PHF3: variants seen among roughly 807,000 people sequenced by gnomAD.
PHF3 encodes PHD finger protein 3.
A neutral mutation model predicts 178.4 loss-of-function variants in PHF3; 41 were observed. The observed-to-expected ratio is 0.23, with a 90% CI of 0.18 to 0.30. The LOEUF is 0.30. Ranked by LOEUF, PHF3 falls within the 10% of genes least tolerant of loss-of-function variation. The pLI, the probability that PHF3 is intolerant of heterozygous loss-of-function variation, is 1.00. For synonymous variants in PHF3, 842 were observed against 800.5 expected (o/e 1.05, Z -0.88); for missense variants, 2,346 against 2,398.1 (o/e 0.98, Z 0.45).
chr6:63,663,286 A>G (rs963893652), intron 2 of PHF3, among the ~76,000 whole-genome samples: 1 of 152,166 alleles, frequency 6.6e-6, no homozygotes, highest in South Asian at 2.1e-4. Flanking sequence ...ATAGTGGCCC[A>G]GAAGTGTGAT....
At chr6:63,658,706 TTTTGTGTG>T (rs1765338749) in intron 2 of PHF3, among the ~76,000 whole-genome samples, 4 of 119,630 alleles carry the variant, frequency 3.3e-5, no homozygotes, top group African/African-American at 1.4e-4. Context: ...AACCAATAGA[TTTTGTGTG>T]TGTGTGTGTG....
chr6:63,692,300 A>G (rs1283399332), intron 5 of PHF3, among the ~76,000 whole-genome samples: 1 of 152,006 alleles, frequency 6.6e-6, no homozygotes, highest in South Asian at 2.1e-4. Flanking sequence ...TGGTACTTGA[A>G]TTTTCTGTTG....
intron 2 of PHF3, among the ~76,000 whole-genome samples, chr6:63,666,384 T>C (rs1186775002): frequency 6.6e-6 from 1 of 152,054 alleles, no homozygotes; most frequent in Non-Finnish European, 1.5e-5. Context: ...TATTTACATA[T>C]ATATATGTGG....
Position 63,721,886 on chromosome 6 carries a change from T to G in PHF3, c.*8178T>G. The G allele has an allele frequency of 8.0e-7, 1 of 1,252,526 alleles. No individual in the cohort carries two copies. Among genetic ancestry groups the G allele is most frequent in the Non-Finnish European group, 1.1e-6 (1 of 921,196 alleles). The allele number at this position is 1,252,526 out of a possible 1,614,324, so 77.6% of individuals were successfully genotyped here. A position where few individuals can be genotyped will look rare whatever the true frequency, so the allele number is the denominator to read the frequency against. On this transcript the variant is annotated 3_prime_UTR_variant, in exon 16 of 16. Transcript: ENST00000262043. ...TGTTTCTGGCCAAGTTGGATAAGTT[T>G]TAGTTATGGGGAAAAAAGTAACAGA...
At position 63,644,717 on chromosome 6, in the gene PHF3, T is replaced by A. The variant is rs191303705; in HGVS notation, c.-25-1810T>A. 6.3e-3 allele frequency among the ~76,000 whole-genome samples: 961 copies of A among 152,210 alleles called. 9 individuals carry two copies. The highest frequency in any genetic ancestry group is 0.022 in the African/African-American group (899 of 41,516). On this transcript the variant is annotated intron_variant, in intron 1 of 15. Coordinates refer to ENST00000262043, the MANE Select transcript of PHF3 (RefSeq NM_001370348.2). Reference sequence around the variant, plus strand: ...TGTGAGAGAGGAATTTGCTTTTTTTTTAAAAAAAATTGAGGTATAATAAAT... The same window carrying A: ...TGTGAGAGAGGAATTTGCTTTTTTTATAAAAAAAATTGAGGTATAATAAAT...
intron 11 of PHF3, among the ~76,000 whole-genome samples, chr6:63,704,154 C>T (rs567486890): frequency 6.6e-6 from 1 of 152,280 alleles, no homozygotes; most frequent in African/African-American, 2.4e-5. Flanking sequence ...CACATACCTG[C>T]TGCCTCCCTA....
rs201000358 is a variant in PHF3 at position 63,684,276 on chromosome 6, T to C, written c.554T>C (p.Val185Ala). 3.7e-6 allele frequency: 6 copies of C among 1,613,882 alleles called. No individual in the cohort carries two copies. The East Asian group carries it at 1.3e-4, about 36-fold the overall frequency. Reference protein sequence around the residue: ...QPERSQVKEEVCMSLKPEYHK... With the variant: ...QPERSQVKEEACMSLKPEYHK... ...GAAAGGAGTCAGGTTAAAGAAGAAG[T>C]ATGTATGTCACTGAAACCTGAGTAC... The change falls in exon 4 of 16, where the codon GTA becomes GCA. Residue 185 changes from valine to alanine, a missense_variant. This residue lies in a region of PHF3 where 843 missense variants were observed against 795.2 expected (regional missense o/e 1.06). Transcript: ENST00000262043.
At chr6:63,642,617 G>A (rs1231068631) in intron 1 of PHF3, among the ~76,000 whole-genome samples, 1 of 152,098 alleles carries the variant, frequency 6.6e-6, no homozygotes, top group African/African-American at 2.4e-5. Context: ...TACCAATACG[G>A]ATTTAATTGG....
chr6:63,667,448 G>T (rs975952189), intron 2 of PHF3, among the ~76,000 whole-genome samples: 1 of 152,108 alleles, frequency 6.6e-6, no homozygotes, highest in East Asian at 1.9e-4. Flanking sequence ...TATATTTGTT[G>T]TATTAATTTA....
At chr6:63,669,912 A>C (rs1765837243) in intron 2 of PHF3, among the ~76,000 whole-genome samples, 1 of 152,198 alleles carries the variant, frequency 6.6e-6, no homozygotes, top group African/African-American at 2.4e-5. Context: ...TATGTTTATC[A>C]GAATTGTGTT....
intron 2 of PHF3, among the ~76,000 whole-genome samples, chr6:63,658,164 A>C (rs1442444356): frequency 6.6e-6 from 1 of 152,224 alleles, no homozygotes; most frequent in Non-Finnish European, 1.5e-5. Context: ...CTCACTACTT[A>C]TACCATCTAT....
At chr6:63,689,365 A>G (rs553009675) in intron 4 of PHF3, among the ~76,000 whole-genome samples, 1 of 152,182 alleles carries the variant, frequency 6.6e-6, no homozygotes, top group African/African-American at 2.4e-5. Context: ...GAAGACTAGT[A>G]TATCAGATAA....
intron 2 of PHF3, among the ~76,000 whole-genome samples, chr6:63,660,606 G>GTT (rs1285736330): frequency 6.6e-6 from 1 of 152,130 alleles, no homozygotes; most frequent in Non-Finnish European, 1.5e-5. Flanking sequence ...TTCCCAGGAT[G>GTT]TTTAATAAGT....
At chr6:63,667,618 C>G (rs1055495088) in intron 2 of PHF3, among the ~76,000 whole-genome samples, 1 of 152,070 alleles carries the variant, frequency 6.6e-6, no homozygotes, top group Non-Finnish European at 1.5e-5. Flanking sequence ...GTCATTTGTC[C>G]CCAAGCTATT....
In PHF3 at chr6:63,716,226, G is replaced by T. The variant is rs1160956794; in HGVS notation, c.*2518G>T. On this transcript the variant is annotated 3_prime_UTR_variant, in exon 16 of 16. Coordinates refer to ENST00000262043, the MANE Select transcript of PHF3 (RefSeq NM_001370348.2). ...GGAAACTTGGCCAGGTTACCCTGCT[G>T]TTGTCAGAGCAGGAATCCTACCTAG... Among the ~76,000 whole-genome samples, 1 of 152,178 alleles carries T rather than the reference G, an allele frequency of 6.6e-6. No individual in the cohort carries two copies. The highest frequency in any genetic ancestry group is 1.5e-5 in the Non-Finnish European group (1 of 68,022).
At chr6:63,697,013 T>TA (rs1462967420) in intron 6 of PHF3, among the ~76,000 whole-genome samples, 1 of 152,092 alleles carries the variant, frequency 6.6e-6, no homozygotes, top group East Asian at 1.9e-4. Flanking sequence ...TTAAAGAAGA[T>TA]ATCATAGCAT....
chr6:63,700,528 A>G, intron 9 of PHF3, 62 bp downstream of exon 9: 1 of 868,868 alleles, frequency 1.2e-6, no homozygotes, highest in South Asian at 1.5e-5. Flanking sequence ...CCATTGGGTA[A>G]AAATTATACA....
rs779189404 is a variant in PHF3 at position 63,713,610 on chromosome 6, A to C, written c.6022A>C (p.Lys2008Gln). 6.2e-7 allele frequency: 1 copy of C among 1,613,518 alleles called. No individual in the cohort carries two copies. The highest frequency in any genetic ancestry group is 2.2e-5 in the East Asian group (1 of 44,778). ...KPKSEDYEKD[K>Q]EREKSKHREG... ...TAAAAGTGAAGACTATGAGAAGGAC[A>C]AAGAACGAGAGAAAAGTAAACACAG... The change falls in exon 16 of 16, where the codon AAA becomes CAA. Residue 2008 changes from lysine to glutamine, a missense_variant. Physicochemically the swap from Lys to Gln is moderately conservative, Grantham distance 53. Transcript: ENST00000262043.
At chr6:63,652,896 G>C (rs1022062326) in intron 2 of PHF3, among the ~76,000 whole-genome samples, 1 of 151,808 alleles carries the variant, frequency 6.6e-6, no homozygotes, top group Admixed American at 6.6e-5. Flanking sequence ...GTGTATGTCT[G>C]TTCTTAGGCC....
Sources: allele counts gnomAD v4.1 joint callset (sites outside exome capture counted in the v4.1 genomes callset), GRCh38; gene constraint gnomAD v4.1.1; regional missense constraint gnomAD v4.1.1; transcripts MANE v1.5; gene names NCBI Gene and HGNC (gene_info 2026-07-23, HGNC 2026-07-21).